ACVR2A: variants seen among roughly 807,000 people sequenced by gnomAD.
ACVR2A encodes activin receptor type-2A.
In ACVR2A, 7 loss-of-function variants were observed where a neutral mutation model predicts 61.4. That is an observed-to-expected ratio of 0.11 (90% CI 0.06 to 0.21). The LOEUF is 0.21. Ranked by LOEUF, ACVR2A falls within the 10% of genes least tolerant of loss-of-function variation. The pLI is 1.00. For synonymous variants in ACVR2A, 193 were observed against 208.3 expected (o/e 0.93, Z 0.63); for missense variants, 322 against 621.7 (o/e 0.52, Z 5.13).
Position 147,848,299 on chromosome 2 carries a change from AT to A in ACVR2A, c.55+3101del, listed in dbSNP as rs902193485. 9.9e-5 allele frequency among the ~76,000 whole-genome samples: 15 copies of A among 151,364 alleles called. No homozygotes were observed. In the East Asian group the frequency reaches 2.3e-3, roughly 23 times the overall value. On this transcript the variant is annotated intron_variant, in intron 1 of 10. Coordinates refer to ENST00000241416, the MANE Select transcript of ACVR2A (RefSeq NM_001616.5). ...AAAATTCTCCCTCCATTCATTTTCT[AT>A]TTTTTTTTCCTGTTTATGATCTAAG...
intron 1 of ACVR2A, among the ~76,000 whole-genome samples, chr2:147,854,141 A>C (rs537141095): frequency 6.6e-5 from 10 of 152,174 alleles, no homozygotes; most frequent in Non-Finnish European, 1.0e-4. Flanking sequence ...GTTAATGTGA[A>C]ATAATACTCT....
At chr2:147,844,842 T>G (rs1573905635), upstream of ACVR2A, 1 of 253,394 alleles carries the variant, frequency 3.9e-6, no homozygotes, top group Non-Finnish European at 7.3e-6. Flanking sequence ...GAGCTGACAG[T>G]GATTTTGACA....
At chr2:147,903,008 T>G (rs1686906545) in intron 4 of ACVR2A, 1 of 151,986 alleles carries the variant, frequency 6.6e-6, no homozygotes, top group Non-Finnish European at 1.5e-5. Flanking sequence ...ACTGGTCTGT[T>G]GTAAGACATT....
At chr2:147,885,179 AT>A (rs1280132799) in intron 1 of ACVR2A, among the ~76,000 whole-genome samples, 3 of 152,138 alleles carry the variant, frequency 2.0e-5, no homozygotes, top group African/African-American at 7.2e-5. Context: ...ATGATACTTC[AT>A]CTGCATATGT....
chr2:147,878,386 G>A (rs1471302586), intron 1 of ACVR2A, among the ~76,000 whole-genome samples: 2 of 151,450 alleles, frequency 1.3e-5, no homozygotes, highest in Non-Finnish European at 2.9e-5. Context: ...GAAAGGTGTT[G>A]GGTTGAGATT....
chr2:147,883,703 T>C lies in ACVR2A; in HGVS notation c.56-12598T>C, dbSNP rs1369069804. On this transcript the variant is annotated intron_variant, in intron 1 of 10. Transcript: ENST00000241416. Reference sequence around the variant, plus strand: ...ATTATCAGCTTACCATCTTCTACTGTATTTAAAGCTACTCTAATATATATT... The same window carrying C: ...ATTATCAGCTTACCATCTTCTACTGCATTTAAAGCTACTCTAATATATATT... Among the ~76,000 whole-genome samples the C allele has an allele frequency of 4.6e-5, 7 of 152,228 alleles. No individual in the cohort carries two copies. The East Asian group carries it at 1.2e-3, about 25-fold the overall frequency.
intron 1 of ACVR2A, among the ~76,000 whole-genome samples, chr2:147,894,567 T>A (rs756351841): frequency 1.1e-4 from 16 of 152,150 alleles, no homozygotes; most frequent in Admixed American, 9.8e-4. Context: ...CTAAATACTG[T>A]CACATTTCAT....
intron 8 of ACVR2A, among the ~76,000 whole-genome samples, chr2:147,921,873 A>G (rs926429193): frequency 6.6e-6 from 1 of 152,160 alleles, no homozygotes; most frequent in African/African-American, 2.4e-5. Flanking sequence ...GGCTTACAGT[A>G]ATGACTCCTT....
chr2:147,857,844 T>G (rs1685623593), intron 1 of ACVR2A, among the ~76,000 whole-genome samples: 1 of 152,188 alleles, frequency 6.6e-6, no homozygotes, highest in African/African-American at 2.4e-5. Flanking sequence ...AAAAATTATT[T>G]TAAGTTCAGG....
intron 4 of ACVR2A, among the ~76,000 whole-genome samples, chr2:147,905,589 T>C (rs550414792): frequency 1.6e-4 from 24 of 152,160 alleles, no homozygotes; most frequent in African/African-American, 5.8e-4. Context: ...TATGTGTATG[T>C]CTAAGAAATA....
At chr2:147,905,861 A>G (rs1686977397) in intron 4 of ACVR2A, among the ~76,000 whole-genome samples, 2 of 152,134 alleles carry the variant, frequency 1.3e-5, no homozygotes, top group South Asian at 2.1e-4. Context: ...GAGGAAGGGG[A>G]GAAAGTAGAA....
At chr2:147,846,396 G>T (rs1357585714) in intron 1 of ACVR2A, among the ~76,000 whole-genome samples, 1 of 151,476 alleles carries the variant, frequency 6.6e-6, no homozygotes, top group Non-Finnish European at 1.5e-5. Flanking sequence ...GTGTGTGTGT[G>T]TGTTTGTGTG....
intron 5 of ACVR2A, 120 bp downstream of exon 5, chr2:147,915,454 A>G (rs2105213897): frequency 8.9e-7 from 1 of 1,120,036 alleles, no homozygotes; most frequent in African/African-American, 1.6e-5. Flanking sequence ...GATACTGGGG[A>G]AAGCAGTTAG....
At chr2:147,921,289 C>T (rs1009534547) in intron 8 of ACVR2A, among the ~76,000 whole-genome samples, 1 of 152,234 alleles carries the variant, frequency 6.6e-6, no homozygotes, top group Middle Eastern at 3.4e-3. Context: ...CCCACCTCGG[C>T]CTCCCAAAGT....
chr2:147,872,178 C>G (rs1464130565), intron 1 of ACVR2A, among the ~76,000 whole-genome samples: 1 of 152,000 alleles, frequency 6.6e-6, no homozygotes, highest in Non-Finnish European at 1.5e-5. Context: ...CCACCTGCCA[C>G]TTTTGCATCT....
chr2:147,885,665 A>G (rs1397604700), intron 1 of ACVR2A, among the ~76,000 whole-genome samples: 2 of 152,162 alleles, frequency 1.3e-5, no homozygotes, highest in Non-Finnish European at 2.9e-5. Context: ...TCTCAGAACA[A>G]CTTAAATGGA....
At chr2:147,847,320 G>A (rs1685336099) in intron 1 of ACVR2A, among the ~76,000 whole-genome samples, 1 of 152,076 alleles carries the variant, frequency 6.6e-6, no homozygotes, top group Non-Finnish European at 1.5e-5. Context: ...TACTTAAAAT[G>A]TCTGATTTTT....
intron 1 of ACVR2A, among the ~76,000 whole-genome samples, chr2:147,852,657 A>G (rs1455574362): frequency 6.6e-6 from 1 of 152,096 alleles, no homozygotes; most frequent in African/African-American, 2.4e-5. Flanking sequence ...AGCACACACG[A>G]AGGCGCTGAA....
intron 1 of ACVR2A, among the ~76,000 whole-genome samples, chr2:147,856,650 A>G (rs575026217): frequency 5.3e-5 from 8 of 152,286 alleles, no homozygotes; most frequent in African/African-American, 1.9e-4. Context: ...TGAAAAGTCA[A>G]TGAGTAAATG....
Sources: gnomAD v4.1 joint callset for allele counts (sites outside exome capture counted in the v4.1 genomes callset) on GRCh38, gnomAD v4.1.1 for gene constraint, MANE v1.5 for transcripts, NCBI Gene and HGNC (gene_info 2026-07-23, HGNC 2026-07-21) for gene names.